The following TMTC1 variants were observed in gnomAD, a reference collection of about 807,000 sequenced individuals.
The protein encoded by TMTC1 is protein O-mannosyl-transferase TMTC1.
TMTC1 carries 73 observed loss-of-function variants against 104.8 expected under a neutral mutation model. The ratio of observed to expected loss-of-function variants is 0.70; its 90% CI spans 0.58 to 0.85. The LOEUF is 0.85. TMTC1 is among the 40% of genes least tolerant of loss of function. The pLI, the probability that TMTC1 is intolerant of heterozygous loss-of-function variation, is 0.00. For missense variants in TMTC1, 1,035 were observed against 1,096.1 expected (o/e 0.94, Z 0.79); for synonymous variants, 434 against 428.7 (o/e 1.01, Z -0.15).
At chr12:29,772,286 C>T (rs531717880) in intron 1 of TMTC1, among the ~76,000 whole-genome samples, 1 of 152,186 alleles carries the variant, frequency 6.6e-6, no homozygotes, top group African/African-American at 2.4e-5. Context: ...CAAGGGCTCA[C>T]AATTTGCCAT....
chr12:29,621,065 G>T (rs1307061545), intron 6 of TMTC1, among the ~76,000 whole-genome samples: 2 of 152,198 alleles, frequency 1.3e-5, no homozygotes, highest in Non-Finnish European at 2.9e-5. Flanking sequence ...GGATTTTCAT[G>T]AATTGAGGTT....
intron 5 of TMTC1, among the ~76,000 whole-genome samples, chr12:29,735,228 CA>C (rs1407760126): frequency 6.6e-6 from 1 of 152,176 alleles, no homozygotes; most frequent in East Asian, 1.9e-4. Flanking sequence ...GATTTCCCAT[CA>C]AAACAAGCTT....
At chr12:29,608,496 T>C (rs1258818699) in intron 6 of TMTC1, among the ~76,000 whole-genome samples, 1 of 152,174 alleles carries the variant, frequency 6.6e-6, no homozygotes, top group Non-Finnish European at 1.5e-5. Flanking sequence ...TTATAATACA[T>C]GACATTTGAT....
chr12:29,543,917 C>T (rs1310391849), intron 10 of TMTC1, among the ~76,000 whole-genome samples: 1 of 152,102 alleles, frequency 6.6e-6, no homozygotes, highest in Non-Finnish European at 1.5e-5. Flanking sequence ...GTGTGGAGGA[C>T]ACAGATTCAT....
chr12:29,706,368 A>G (rs894130112), intron 5 of TMTC1, among the ~76,000 whole-genome samples: 1 of 152,066 alleles, frequency 6.6e-6, no homozygotes, highest in Non-Finnish European at 1.5e-5. Context: ...TATAATCCCT[A>G]TTTCCTGTGT....
rs752928618 is a variant in TMTC1 at position 29,556,441 on chromosome 12, C to T, written c.1676+416G>A. ...TATGGAATATTTGTCTTTGGAAATG[C>T]CTTCCCTCCACACACACACAAAGAA... On this transcript the variant is annotated intron_variant, in intron 10 of 17. Coordinates refer to ENST00000539277, the MANE Select transcript of TMTC1 (RefSeq NM_001193451.2). 3.3e-5 allele frequency among the ~76,000 whole-genome samples: 5 copies of T among 152,182 alleles called. No individual in the cohort carries two copies. In the East Asian group the frequency reaches 7.7e-4, roughly 23 times the overall value.
At chr12:29,557,023 C>G in intron 9 of TMTC1, 23 bp from the exon 10 acceptor site, 1 of 1,611,676 alleles carries the variant, frequency 6.2e-7, no homozygotes, top group Non-Finnish European at 8.5e-7. Flanking sequence ...AAATATTAAG[C>G]TGTGATGGTT....
At chr12:29,741,965 C>A (rs1004290739) in intron 5 of TMTC1, among the ~76,000 whole-genome samples, 1 of 152,258 alleles carries the variant, frequency 6.6e-6, no homozygotes, top group African/African-American at 2.4e-5. Flanking sequence ...ATGAAAGAGA[C>A]CACTTTTTAA....
intron 6 of TMTC1, among the ~76,000 whole-genome samples, chr12:29,632,435 G>A (rs564811284): frequency 5.3e-5 from 8 of 152,284 alleles, no homozygotes; most frequent in Admixed American, 4.6e-4. Flanking sequence ...CTGCTCCTGT[G>A]ATAGCGAGTT....
chr12:29,775,124 C>T (rs1156812919), intron 1 of TMTC1, among the ~76,000 whole-genome samples: 2 of 151,934 alleles, frequency 1.3e-5, no homozygotes, highest in Non-Finnish European at 1.5e-5. Flanking sequence ...TAGCAAGTCC[C>T]GGAAGAAAAT....
At chr12:29,757,169 T>C (rs942047359) in intron 3 of TMTC1, among the ~76,000 whole-genome samples, 14 of 152,350 alleles carry the variant, frequency 9.2e-5, no homozygotes, top group South Asian at 6.2e-4. Flanking sequence ...TACACTATGC[T>C]AAGAAAATGT....
intron 2 of TMTC1, among the ~76,000 whole-genome samples, chr12:29,764,308 C>G (rs1047167740): frequency 6.6e-6 from 1 of 152,108 alleles, no homozygotes; most frequent in African/African-American, 2.4e-5. Context: ...TGGAATACCA[C>G]CAATAATATT....
At chr12:29,667,308 G>C (rs544406382) in intron 5 of TMTC1, among the ~76,000 whole-genome samples, 1 of 152,238 alleles carries the variant, frequency 6.6e-6, no homozygotes, top group East Asian at 1.9e-4. Flanking sequence ...ACTATTCTAA[G>C]AAAACAATGA....
chr12:29,662,963 C>T (rs1940104136), intron 5 of TMTC1, among the ~76,000 whole-genome samples: 1 of 152,204 alleles, frequency 6.6e-6, no homozygotes, highest in Admixed American at 6.5e-5. Flanking sequence ...TCTTCCTTAG[C>T]TGCCAACAGA....
intron 10 of TMTC1, among the ~76,000 whole-genome samples, chr12:29,540,193 G>A (rs555272250): frequency 3.9e-5 from 6 of 152,184 alleles, no homozygotes; most frequent in African/African-American, 1.4e-4. Flanking sequence ...TGCGAGGGGG[G>A]ATCCAGGTCC....
chr12:29,559,328 G>A (rs910139021), intron 9 of TMTC1, among the ~76,000 whole-genome samples: 1 of 152,076 alleles, frequency 6.6e-6, no homozygotes, highest in African/African-American at 2.4e-5. Flanking sequence ...GGTCATCTCC[G>A]GCAAGTTTTA....
chr12:29,660,034 T>G, intron 5 of TMTC1: 1 of 1,372,704 alleles, frequency 7.3e-7, no homozygotes. Flanking sequence ...ATCTCCACCC[T>G]TTTTGCAGGT....
intron 5 of TMTC1, among the ~76,000 whole-genome samples, chr12:29,698,809 C>G (rs574326887): frequency 4.6e-5 from 7 of 152,198 alleles, no homozygotes; most frequent in African/African-American, 1.7e-4. Flanking sequence ...GTTACAGATC[C>G]CTGGAGCCCA....
chr12:29,710,945 A>AATATATAAATATATTAATAATATATAAAT (rs1565786458), intron 5 of TMTC1, among the ~76,000 whole-genome samples: 2 of 17,912 alleles, frequency 1.1e-4, no homozygotes, highest in African/African-American at 1.6e-4. Flanking sequence ...ATAATATATA[A>AATATATAAATATATTAATAATATATAAAT]ATATATATAT....
Sources: gnomAD v4.1 joint callset for allele counts (sites outside exome capture counted in the v4.1 genomes callset) on GRCh38, gnomAD v4.1.1 for gene constraint, MANE v1.5 for transcripts, NCBI Gene and HGNC (gene_info 2026-07-23, HGNC 2026-07-21) for gene names.